The following CTNNA2 variants were observed in gnomAD, a reference collection of about 807,000 sequenced individuals.
CTNNA2 encodes catenin alpha-2.
A neutral mutation model predicts 101.0 loss-of-function variants in CTNNA2; 42 were observed. The ratio of observed to expected loss-of-function variants is 0.42; its 90% confidence interval spans 0.32 to 0.54. The LOEUF (loss-of-function observed/expected upper bound fraction) is 0.54. CTNNA2 is among the 20% of genes least tolerant of loss of function. The pLI is 0.14. For missense variants in CTNNA2, 871 were observed against 1,223.1 expected, an observed-to-expected ratio of 0.71 and a Z score of 4.29; for synonymous variants, 450 against 456.4, an observed-to-expected ratio of 0.99 and a Z score of 0.18.
chr2:80,181,734 G>A (rs1705795730), intron 7 of CTNNA2, among the ~76,000 whole-genome samples: 1 of 152,172 alleles, frequency 6.6e-6, no homozygotes, highest in African/African-American at 2.4e-5. Context: ...ATGGTCAAAG[G>A]TATTATGTAT....
At chr2:79,627,880 A>G (rs1248946809) in intron 1 of CTNNA2, among the ~76,000 whole-genome samples, 1 of 152,178 alleles carries the variant, frequency 6.6e-6, no homozygotes. Context: ...TTCAAAACAG[A>G]CATTTTATTT....
At chr2:79,280,890 GAC>G (rs1383053807) in intron 2 of CTNNA2, among the ~76,000 whole-genome samples, 3 of 151,958 alleles carry the variant, frequency 2.0e-5, no homozygotes. Flanking sequence ...CAGAACCAAT[GAC>G]ACACCCGTAT....
chr2:80,392,517 A>C (rs1181110328), intron 7 of CTNNA2, among the ~76,000 whole-genome samples: 1 of 152,148 alleles, frequency 6.6e-6, no homozygotes, highest in African/African-American at 2.4e-5. Context: ...AAAAGGAGAA[A>C]AAGCAAAGAA....
At chr2:80,555,154 G>A (rs1200167771) in intron 11 of CTNNA2, among the ~76,000 whole-genome samples, 15 of 7,256 alleles carry the variant, frequency 2.1e-3, no homozygotes, top group East Asian at 0.038. Context: ...GACCAACTGC[G>A]TGATATTTAT....
intron 7 of CTNNA2, among the ~76,000 whole-genome samples, chr2:80,038,165 T>C (rs1161486916): frequency 6.6e-6 from 1 of 152,172 alleles, no homozygotes; most frequent in African/African-American, 2.4e-5. Flanking sequence ...TGCCTAGTAC[T>C]GTCAGCAGCT....
At chr2:79,946,188 C>G (rs985026571) in intron 7 of CTNNA2, among the ~76,000 whole-genome samples, 26 of 152,064 alleles carry the variant, frequency 1.7e-4, no homozygotes, top group African/African-American at 6.0e-4. Context: ...TTAATGTGCT[C>G]AACATCAAAT....
intron 2 of CTNNA2, among the ~76,000 whole-genome samples, chr2:79,680,078 A>G (rs1373791012): frequency 6.6e-6 from 1 of 151,984 alleles, no homozygotes; most frequent in African/African-American, 2.4e-5. Flanking sequence ...CTGATTTGGA[A>G]ATTTTTATTT....
intron 1 of CTNNA2, among the ~76,000 whole-genome samples, chr2:79,641,790 A>G (rs747126624): frequency 2.8e-4 from 43 of 152,354 alleles, no homozygotes; most frequent in Middle Eastern, 3.4e-3. Context: ...TGAATTTGAC[A>G]GATACTAAAT....
At chr2:80,565,487 A>G (rs548439624) in intron 12 of CTNNA2, among the ~76,000 whole-genome samples, 1 of 151,798 alleles carries the variant, frequency 6.6e-6, no homozygotes, top group East Asian at 1.9e-4. Flanking sequence ...CAGATTCAGC[A>G]CTAATTGGTG....
intron 6 of CTNNA2, among the ~76,000 whole-genome samples, chr2:79,886,572 A>G (rs1274940667): frequency 6.6e-6 from 1 of 151,514 alleles, no homozygotes; most frequent in Non-Finnish European, 1.5e-5. Context: ...TAACATGGTG[A>G]AAACCCGTCT....
chr2:79,543,035 A>G (rs1413388348), intron 1 of CTNNA2, among the ~76,000 whole-genome samples: 1 of 152,176 alleles, frequency 6.6e-6, no homozygotes, highest in African/African-American at 2.4e-5. Context: ...AACCATTTAT[A>G]AATGCTCTGT....
chr2:79,958,451 A>G (rs1300323630), intron 7 of CTNNA2, among the ~76,000 whole-genome samples: 2 of 152,184 alleles, frequency 1.3e-5, no homozygotes. Flanking sequence ...GGAGGGAGGC[A>G]GAAAAGGAGG....
At chr2:79,724,674 G>A (rs1190714566) in intron 2 of CTNNA2, among the ~76,000 whole-genome samples, 1 of 151,922 alleles carries the variant, frequency 6.6e-6, no homozygotes, top group African/African-American at 2.4e-5. Flanking sequence ...AATTAGCTGG[G>A]TGTGGTCGTG....
intron 3 of CTNNA2, among the ~76,000 whole-genome samples, chr2:79,338,434 G>A (rs1250859163): frequency 1.3e-5 from 2 of 151,856 alleles, no homozygotes; most frequent in Non-Finnish European, 2.9e-5. Flanking sequence ...TCTAGTGCAG[G>A]GAATGAAAAA....
At chr2:79,320,583 C>A (rs1268759647) in intron 3 of CTNNA2, among the ~76,000 whole-genome samples, 1 of 152,180 alleles carries the variant, frequency 6.6e-6, no homozygotes, top group African/African-American at 2.4e-5. Flanking sequence ...CTGCCTCTTG[C>A]TGCTGCTGAA....
At chr2:80,140,177 G>T (rs1277037978) in intron 7 of CTNNA2, among the ~76,000 whole-genome samples, 1 of 152,186 alleles carries the variant, frequency 6.6e-6, no homozygotes, top group Non-Finnish European at 1.5e-5. Flanking sequence ...CAACAGTCAG[G>T]CACGAAAGTG....
chr2:79,957,629 G>A (rs1368635709), intron 7 of CTNNA2, among the ~76,000 whole-genome samples: 1 of 152,146 alleles, frequency 6.6e-6, no homozygotes, highest in Non-Finnish European at 1.5e-5. Context: ...GAATCTCTAT[G>A]TCTCTTGTTC....
intron 9 of CTNNA2, among the ~76,000 whole-genome samples, chr2:80,510,764 G>A (rs77603010): frequency 2.0e-5 from 3 of 152,160 alleles, no homozygotes; most frequent in Non-Finnish European, 4.4e-5. Flanking sequence ...TCCTTGTGAC[G>A]TGAGAGTTAT....
At chr2:79,596,238 G>C (rs79924750) in intron 1 of CTNNA2, among the ~76,000 whole-genome samples, 1 of 151,942 alleles carries the variant, frequency 6.6e-6, no homozygotes, top group Non-Finnish European at 1.5e-5. Context: ...GGTGCTTAAT[G>C]AATGTTTGAA....
Sources: allele counts gnomAD v4.1 joint callset (sites outside exome capture counted in the v4.1 genomes callset), GRCh38; gene constraint gnomAD v4.1.1; transcripts MANE v1.5; gene names NCBI Gene and HGNC (gene_info 2026-07-23, HGNC 2026-07-21).